The following GINS4 variants were observed in gnomAD, a reference collection of about 807,000 sequenced individuals.
The protein encoded by GINS4 is GINS complex subunit 4.
GINS4 carries 20 observed loss-of-function variants against 31.1 expected under a neutral mutation model. The observed-to-expected ratio is 0.64, with a 90% CI of 0.45 to 0.93. The LOEUF is 0.93. Among genes scored for constraint, GINS4 ranks in the 40% least tolerant of loss-of-function variants. The pLI, the probability that GINS4 is intolerant of heterozygous loss-of-function variation, is 0.00. For missense variants in GINS4, 245 were observed against 273.9 expected (o/e 0.89, Z 0.75); for synonymous variants, 85 against 97.9 (o/e 0.87, Z 0.78).
chr8:41,541,144 A>C (rs1806834587), intron 6 of GINS4, among the ~76,000 whole-genome samples: 1 of 150,822 alleles, frequency 6.6e-6, no homozygotes, highest in Non-Finnish European at 1.5e-5. Flanking sequence ...GTCATAGCTC[A>C]CTGCAGCCTT....
At chr8:41,534,090 G>A (rs867581599) in intron 2 of GINS4, 57 of 178,980 alleles carry the variant, frequency 3.2e-4, no homozygotes, top group African/African-American at 1.3e-3. Context: ...TAGCAATAAT[G>A]AACAGATTGG....
chr8:41,542,225 A>G lies in GINS4; in HGVS notation c.*138A>G, dbSNP rs1430405550. ...GTGAAACCCCATCTTTACTAAAAAT[A>G]CAAAATAATTAGCCGGGTGTTGGTG... On this transcript the variant is annotated 3_prime_UTR_variant, in exon 8 of 8. Coordinates refer to ENST00000276533, the MANE Select transcript of GINS4 (RefSeq NM_032336.3). 61 of 670,416 alleles carry G rather than the reference A, an allele frequency of 9.1e-5. No homozygotes were observed. The highest frequency in any genetic ancestry group is 2.2e-5 in the Non-Finnish European group (8 of 371,450). The allele number at this position is 670,416 out of a possible 1,614,324, so 41.5% of individuals were successfully genotyped here.
rs576415191 is a variant in GINS4 at position 41,532,796 on chromosome 8, G to T, written c.96+2498G>T. Among the ~76,000 whole-genome samples, 180 of 142,832 alleles carry T rather than the reference G, an allele frequency of 1.3e-3. 1 individual carries two copies. The highest frequency in any genetic ancestry group is 4.7e-3 in the African/African-American group (178 of 38,104). The allele number at this position is 142,832 out of a possible 152,430, so 93.7% of individuals were successfully genotyped here. On this transcript the variant is annotated intron_variant, in intron 2 of 7. Transcript: ENST00000276533. Reference sequence around the variant, plus strand: ...TGCAGAGAGCCGAGATCATGCCACTGCACTCCAGCCTGGGCAACAGAGCAA... The same window carrying T: ...TGCAGAGAGCCGAGATCATGCCACTTCACTCCAGCCTGGGCAACAGAGCAA...
intron 1 of GINS4, chr8:41,529,960 GAAGT>G: frequency 6.2e-6 from 3 of 480,656 alleles, no homozygotes; most frequent in Non-Finnish European, 7.5e-6. Context: ...TTGGTGGACA[GAAGT>G]AAGGGGGAGG....
intron 2 of GINS4, among the ~76,000 whole-genome samples, chr8:41,533,465 TA>T (rs1397062162): frequency 1.3e-5 from 2 of 152,118 alleles, no homozygotes; most frequent in Non-Finnish European, 1.5e-5. Flanking sequence ...TGCTGGTGGG[TA>T]AGCTGCAGTA....
intron 2 of GINS4, among the ~76,000 whole-genome samples, chr8:41,536,028 C>G (rs1806735309): frequency 6.6e-6 from 1 of 152,126 alleles, no homozygotes; most frequent in Admixed American, 6.5e-5. Flanking sequence ...CCTGGGGGAA[C>G]AGTGTGCCCG....
rs1473417616 is a variant in GINS4, at chr8:41,542,750, A to C, written c.*663A>C. Reference sequence around the variant, plus strand: ...TTGTGCCTGAGGACAATAATAAAGTAGTTTACTAGGCATCAGACATTCCTC... The same window carrying C: ...TTGTGCCTGAGGACAATAATAAAGTCGTTTACTAGGCATCAGACATTCCTC... On this transcript the variant is annotated 3_prime_UTR_variant, in exon 8 of 8. Coordinates refer to ENST00000276533, the MANE Select transcript of GINS4 (RefSeq NM_032336.3). 6.5e-6 allele frequency: 1 copy of C among 153,078 alleles called. No individual in the cohort carries two copies. Among genetic ancestry groups the C allele is most frequent in the Non-Finnish European group, 1.5e-5 (1 of 68,658 alleles). 9.5% of individuals were successfully genotyped at this position (153,078 alleles called of 1,614,324 possible). A position where few individuals can be genotyped will look rare whatever the true frequency, so the allele number is the denominator to read the frequency against.
intron 2 of GINS4, among the ~76,000 whole-genome samples, chr8:41,535,802 G>A (rs970738952): frequency 1.3e-5 from 2 of 152,212 alleles, no homozygotes; most frequent in South Asian, 2.1e-4. Context: ...ATAGATGAGC[G>A]CCTGTTTCTA....
rs567695237 is a variant in GINS4, at chr8:41,544,210, G to A, written c.*2123G>A. ...AACAAACTCTACTTGAGGTCAGCCT[G>A]GTTAGAAAGCCCAACTCAAAATAGA... On this transcript the variant is annotated 3_prime_UTR_variant, in exon 8 of 8. Transcript: ENST00000276533. The A allele has an allele frequency of 2.0e-5, 3 of 152,332 alleles. No homozygotes were observed. Among genetic ancestry groups the A allele is most frequent in the African/African-American group, 7.2e-5 (3 of 41,570 alleles). The allele number at this position is 152,332 out of a possible 1,614,324, so 9.4% of individuals were successfully genotyped here. A position where few individuals can be genotyped will look rare whatever the true frequency, so the allele number is the denominator to read the frequency against.
chr8:41,537,537 G>A (rs1405785337), intron 4 of GINS4: 1 of 420,160 alleles, frequency 2.4e-6, no homozygotes, highest in African/African-American at 2.0e-5. Flanking sequence ...CCTGCCGAGT[G>A]AGTGGTTCCC....
intron 2 of GINS4, among the ~76,000 whole-genome samples, chr8:41,534,972 C>G (rs1288388940): frequency 6.6e-6 from 1 of 152,062 alleles, no homozygotes; most frequent in Admixed American, 6.6e-5. Flanking sequence ...ATCCGCCTGC[C>G]TCGGCCTCCC....
intron 2 of GINS4, 89 bp downstream of exon 2, chr8:41,530,387 G>A (rs1806631657): frequency 8.9e-6 from 8 of 901,510 alleles, no homozygotes; most frequent in Non-Finnish European, 1.4e-5. Context: ...ATGAGGAAAC[G>A]GAATTTGGGG....
At position 41,542,300 on chromosome 8, in the gene GINS4, C is replaced by G; in HGVS notation, c.*213C>G. On this transcript the variant is annotated 3_prime_UTR_variant, in exon 8 of 8. Coordinates refer to ENST00000276533, the MANE Select transcript of GINS4 (RefSeq NM_032336.3). ...TCAGGAGGCCGGGGCAGGAGAATCG[C>G]TTGAACCTGGGAGCAGGAGGTTGCA... The G allele has an allele frequency of 1.8e-6, 1 of 545,962 alleles. No homozygotes were observed. The highest frequency in any genetic ancestry group is 3.3e-6 in the Non-Finnish European group (1 of 300,876). 33.8% of individuals were successfully genotyped at this position (545,962 alleles called of 1,614,324 possible).
At chr8:41,540,466 G>A in intron 6 of GINS4, 1 of 176,104 alleles carries the variant, frequency 5.7e-6, no homozygotes, top group Admixed American at 5.7e-5. Flanking sequence ...GTGAGTCCCT[G>A]TGGCCTCAGA....
At chr8:41,533,055 GTTAAAAA>G (rs1410194915) in intron 2 of GINS4, among the ~76,000 whole-genome samples, 1 of 152,078 alleles carries the variant, frequency 6.6e-6, no homozygotes, top group Non-Finnish European at 1.5e-5. Flanking sequence ...GCTTGCAATA[GTTAAAAA>G]TTAAAATAAC....
intron 1 of GINS4, 52 bp from the exon 2 acceptor site, chr8:41,530,132 G>T: frequency 8.7e-7 from 1 of 1,147,530 alleles, no homozygotes; most frequent in Non-Finnish European, 1.3e-6. Flanking sequence ...GTCTGTTCTT[G>T]CAGATAATTA....
At chr8:41,539,036 T>A (rs1320266349) in intron 4 of GINS4, among the ~76,000 whole-genome samples, 1 of 151,256 alleles carries the variant, frequency 6.6e-6, no homozygotes, top group East Asian at 2.0e-4. Flanking sequence ...CCAAAGCTGG[T>A]GATGACCAGT....
chr8:41,539,319 CAAA>C (rs36097557), intron 4 of GINS4, among the ~76,000 whole-genome samples: 31 of 55,756 alleles, frequency 5.6e-4, no homozygotes, highest in African/African-American at 1.5e-3. Flanking sequence ...GACTCCATCT[CAAA>C]AAAAAAAAAA....
chr8:41,536,721 G>A (rs1563254409), intron 3 of GINS4, among the ~76,000 whole-genome samples: 1 of 152,204 alleles, frequency 6.6e-6, no homozygotes, highest in Non-Finnish European at 1.5e-5. Context: ...GTCCATCCAT[G>A]TACTCCCTGC....
Sources: allele counts gnomAD v4.1 joint callset (sites outside exome capture counted in the v4.1 genomes callset), GRCh38; gene constraint gnomAD v4.1.1; transcripts MANE v1.5; gene names NCBI Gene and HGNC (gene_info 2026-07-23, HGNC 2026-07-21).